CSMD1: variants seen among roughly 807,000 people sequenced by gnomAD.
CSMD1 encodes the protein CUB and sushi domain-containing protein 1.
In CSMD1, 213 loss-of-function variants were observed where a neutral mutation model predicts 417.5. The observed-to-expected ratio is 0.51, with a 90% confidence interval of 0.46 to 0.57. The LOEUF (loss-of-function observed/expected upper bound fraction) is 0.57. CSMD1 is among the 20% of genes least tolerant of loss of function. The pLI, the probability that CSMD1 is intolerant of heterozygous loss-of-function variation, is 0.00. For missense variants in CSMD1, 6,923 were observed against 4,529.7 expected, an observed-to-expected ratio of 1.53 and a Z score of -15.17; for synonymous variants, 2,862 against 1,736.8, an observed-to-expected ratio of 1.65 and a Z score of -16.11.
intron 3 of CSMD1, among the ~76,000 whole-genome samples, chr8:4,350,474 A>G (rs1209239016): frequency 2.0e-5 from 3 of 152,216 alleles, no homozygotes; most frequent in Non-Finnish European, 4.4e-5. Flanking sequence ...TTTGCCTGCT[A>G]CAAACCACAC....
chr8:4,883,143 C>A (rs541032375), intron 1 of CSMD1, among the ~76,000 whole-genome samples: 17 of 152,116 alleles, frequency 1.1e-4, no homozygotes, highest in Non-Finnish European at 1.9e-4. Context: ...AATTCAATAT[C>A]GCAATGGGGC....
At chr8:3,822,011 A>G (rs1349820315) in intron 5 of CSMD1, among the ~76,000 whole-genome samples, 1 of 152,160 alleles carries the variant, frequency 6.6e-6, no homozygotes, top group Non-Finnish European at 1.5e-5. Flanking sequence ...CAACTTCTGC[A>G]TCACAGTTCC....
At chr8:3,982,028 T>A (rs1972150) in intron 5 of CSMD1, among the ~76,000 whole-genome samples, 5 of 151,622 alleles carry the variant, frequency 3.3e-5, no homozygotes, top group Non-Finnish European at 5.9e-5. Flanking sequence ...AAAATTAGCC[T>A]GGCGCGGTGA....
At chr8:4,662,664 G>A (rs1444275224) in intron 1 of CSMD1, among the ~76,000 whole-genome samples, 1 of 152,114 alleles carries the variant, frequency 6.6e-6, no homozygotes, top group African/African-American at 2.4e-5. Flanking sequence ...CCGCCACTTC[G>A]TTTTGTGGTC....
intron 3 of CSMD1, among the ~76,000 whole-genome samples, chr8:4,113,548 G>C (rs956292550): frequency 4.6e-5 from 7 of 152,114 alleles, no homozygotes; most frequent in African/African-American, 1.7e-4. Context: ...GGGATTACAG[G>C]CACGTGCCAG....
chr8:4,143,770 T>C (rs1216794594), intron 3 of CSMD1, among the ~76,000 whole-genome samples: 3 of 151,212 alleles, frequency 2.0e-5, no homozygotes, highest in Non-Finnish European at 4.4e-5. Flanking sequence ...CAGAAAGCAC[T>C]TCACAGGGTG....
chr8:3,523,370 G>A (rs1797594627), intron 10 of CSMD1, among the ~76,000 whole-genome samples: 2 of 152,196 alleles, frequency 1.3e-5, no homozygotes, highest in South Asian at 4.1e-4. Context: ...TACGTGAGAT[G>A]GAACTTTGAG....
chr8:3,458,908 T>G (rs1250527173), intron 12 of CSMD1, among the ~76,000 whole-genome samples: 2 of 152,172 alleles, frequency 1.3e-5, no homozygotes, highest in Non-Finnish European at 2.9e-5. Context: ...GAGCTGCTGC[T>G]GGTAGCCACA....
chr8:4,374,732 T>TG (rs1802611968), intron 3 of CSMD1, among the ~76,000 whole-genome samples: 2 of 152,146 alleles, frequency 1.3e-5, no homozygotes, highest in South Asian at 4.2e-4. Flanking sequence ...AGACTAAGCA[T>TG]GAGCAGCAGA....
chr8:4,589,873 G>C (rs1445434796), intron 2 of CSMD1, among the ~76,000 whole-genome samples: 2 of 152,152 alleles, frequency 1.3e-5, no homozygotes, highest in Admixed American at 6.5e-5. Context: ...TCTATCAGGA[G>C]CCTGATGCCA....
intron 3 of CSMD1, among the ~76,000 whole-genome samples, chr8:4,146,892 T>C (rs1317286798): frequency 6.9e-6 from 1 of 144,430 alleles, no homozygotes; most frequent in African/African-American, 2.9e-5. Context: ...TGATTACATG[T>C]GTGAGCCACC....
At chr8:4,987,564 C>T (rs1048002399) in intron 1 of CSMD1, among the ~76,000 whole-genome samples, 2 of 151,604 alleles carry the variant, frequency 1.3e-5, no homozygotes, top group African/African-American at 4.9e-5. Flanking sequence ...ATATATCACG[C>T]CAAAAAGTAA....
At chr8:3,521,056 C>A (rs1298071063) in intron 10 of CSMD1, among the ~76,000 whole-genome samples, 1 of 152,184 alleles carries the variant, frequency 6.6e-6, no homozygotes, top group African/African-American at 2.4e-5. Flanking sequence ...TTTATGCCTC[C>A]AGTCACACAC....
At position 4,800,766 on chromosome 8, in the gene CSMD1, G is replaced by T. The variant is rs535845838; in HGVS notation, c.86-163208C>A. ...GCCACTTTGGTGGGATGGGCTTTTG[G>T]GTGAGACACCACCTAGGAGGTGGGT... On this transcript the variant is annotated intron_variant, in intron 1 of 69. Coordinates refer to ENST00000635120, the MANE Select transcript of CSMD1 (RefSeq NM_033225.6). Among the ~76,000 whole-genome samples, 6 of 152,280 alleles carry T rather than the reference G, an allele frequency of 3.9e-5. No homozygotes were observed. The South Asian group carries it at 8.3e-4, about 21-fold the overall frequency.
At chr8:4,171,103 C>T (rs1421775525) in intron 3 of CSMD1, among the ~76,000 whole-genome samples, 1 of 151,860 alleles carries the variant, frequency 6.6e-6, no homozygotes, top group Non-Finnish European at 1.5e-5. Flanking sequence ...AGCTGTACTA[C>T]CTGCCCTTCA....
chr8:3,551,592 ATATATTTTTTTT>A (rs1303453433), intron 10 of CSMD1, among the ~76,000 whole-genome samples: 1,274 of 117,200 alleles, frequency 0.011, 21 homozygotes, highest in African/African-American at 0.043. Context: ...ATATATATAT[ATATATTTTTTTT>A]TTTTTTTTTT....
At chr8:3,430,062 T>C (rs992328404) in intron 12 of CSMD1, among the ~76,000 whole-genome samples, 2 of 152,200 alleles carry the variant, frequency 1.3e-5, no homozygotes, top group Admixed American at 6.5e-5. Flanking sequence ...TTGCCAAGTA[T>C]GTATATATAC....
chr8:3,771,125 G>T (rs1461573874), intron 5 of CSMD1, among the ~76,000 whole-genome samples: 1 of 152,004 alleles, frequency 6.6e-6, no homozygotes, highest in African/African-American at 2.4e-5. Context: ...TATCCAAATT[G>T]TGAACAAAAA....
intron 64 of CSMD1, among the ~76,000 whole-genome samples, chr8:2,954,799 T>G (rs1345268615): frequency 1.3e-5 from 2 of 152,232 alleles, no homozygotes; most frequent in African/African-American, 4.8e-5. Flanking sequence ...CGAATTACCA[T>G]TTTAAAAGTT....
Sources: allele counts gnomAD v4.1 joint callset (sites outside exome capture counted in the v4.1 genomes callset), GRCh38; gene constraint gnomAD v4.1.1; transcripts MANE v1.5; gene names NCBI Gene and HGNC (gene_info 2026-07-23, HGNC 2026-07-21).